MAGT1: variants seen among roughly 807,000 people sequenced by gnomAD.
MAGT1 encodes the protein dolichyl-diphosphooligosaccharide--protein glycosyltransferase subunit MAGT1.
In MAGT1, 4 loss-of-function variants were observed where a neutral mutation model predicts 28.4. The ratio of observed to expected loss-of-function variants is 0.14; its 90% CI spans 0.07 to 0.32. The LOEUF is 0.32. Among genes scored for constraint, MAGT1 ranks in the 10% least tolerant of loss-of-function variants. The pLI is 1.00. For synonymous variants in MAGT1, 89 were observed against 89.7 expected (o/e 0.99, Z 0.04); for missense variants, 193 against 264.5 (o/e 0.73, Z 1.88).
At chrX:77,858,648 G>A (rs1468827736) in intron 3 of MAGT1, among the ~76,000 whole-genome samples, 1 of 111,701 alleles carries the variant, frequency 9.0e-6, no homozygotes, top group Admixed American at 9.7e-5. Context: ...CTCTTTGGCT[G>A]TATAATGTGG....
chrX:77,837,451 A>AT lies in MAGT1; in HGVS notation c.901+3794dup. Reference sequence around the variant, plus strand: ...TTATTTTTCTAACACGTAAAAATTCATTTTTTTAGAGATTGAGTCTCGCTC... The same window carrying AT: ...TTATTTTTCTAACACGTAAAAATTCATTTTTTTTAGAGATTGAGTCTCGCTC... On this transcript the variant is annotated intron_variant, in intron 8 of 9. Transcript: ENST00000618282. 1.8e-5 allele frequency: 2 copies of AT among 110,859 alleles called. 1 individual carries two copies. The highest frequency in any genetic ancestry group is 9.2e-3 in the Middle Eastern group (2 of 217). The allele number at this position is 110,859 out of a possible 1,213,427, so 9.1% of individuals were successfully genotyped here.
At chrX:77,874,263 A>G (rs1441920663) in intron 2 of MAGT1, among the ~76,000 whole-genome samples, 2 of 104,781 alleles carry the variant, frequency 1.9e-5, no homozygotes, top group African/African-American at 3.5e-5. Context: ...GATCACAGAC[A>G]TGAGCTACCA....
Position 77,827,129 on chromosome X carries a change from A to G in MAGT1, c.*2091T>C, listed in dbSNP as rs1321000156. The G allele has an allele frequency of 4.5e-5, 5 of 111,818 alleles. No homozygotes were observed. The highest frequency in any genetic ancestry group is 3.7e-4 in the South Asian group (1 of 2,698). The allele number at this position is 111,818 out of a possible 1,213,427, so 9.2% of individuals were successfully genotyped here. ...CAATTACAATTATCCTATTTCCACA[A>G]TAGTGGCATTTCAGGTTACTCTTCA... On this transcript the variant is annotated 3_prime_UTR_variant, in exon 10 of 10. Coordinates refer to ENST00000618282, the MANE Select transcript of MAGT1 (RefSeq NM_001367916.1).
At chrX:77,840,608 T>C (rs1431019704) in intron 8 of MAGT1, among the ~76,000 whole-genome samples, 1 of 111,475 alleles carries the variant, frequency 9.0e-6, no homozygotes, top group Non-Finnish European at 1.9e-5. Context: ...TTTGGGAGGC[T>C]GAGGTGGGAA....
At chrX:77,854,098 T>C in intron 6 of MAGT1, 134 bp from the exon 7 acceptor site, 1 of 529,456 alleles carries the variant, frequency 1.9e-6, no homozygotes, top group Admixed American at 2.7e-5. Context: ...TCCGGGTCTG[T>C]GGCATTCATC....
rs1199895561 is a variant in MAGT1 at position 77,891,952 on chromosome X, C to CT, written c.102+3356dup. ...TAAAAAGAATATACATATATGCACA[C>CT]TTTTTTTTTTTTTGAGACAGAGTCT... On this transcript the variant is annotated intron_variant, in intron 1 of 9. Transcript: ENST00000618282. Among the ~76,000 whole-genome samples, 360 of 104,560 alleles carry CT rather than the reference C, an allele frequency of 3.4e-3. 8 individuals carry two copies. Among genetic ancestry groups the CT allele is most frequent in the African/African-American group, 8.2e-3 (240 of 29,130 alleles). The allele number at this position is 104,560 out of a possible 115,157, so 90.8% of individuals were successfully genotyped here.
chrX:77,831,259 C>T (rs1384894352), intron 8 of MAGT1, among the ~76,000 whole-genome samples: 3 of 110,997 alleles, frequency 2.7e-5, no homozygotes, highest in African/African-American at 6.6e-5. Flanking sequence ...CCTCATGATC[C>T]GCCTGCCTCA....
At chrX:77,851,374 C>T (rs1330632530) in intron 7 of MAGT1, among the ~76,000 whole-genome samples, 3 of 107,950 alleles carry the variant, frequency 2.8e-5, no homozygotes, top group Non-Finnish European at 5.8e-5. Context: ...CGTCACCATG[C>T]CTGGCTGTTT....
intron 1 of MAGT1, among the ~76,000 whole-genome samples, chrX:77,878,289 CAAAAAAAAAAAAA>C (rs1205547369): frequency 2.1e-3 from 31 of 15,073 alleles, no homozygotes; most frequent in Middle Eastern, 0.038. Flanking sequence ...AACTCTGATG[CAAAAAAAAAAAAA>C]AAAAAAAAAA....
intron 1 of MAGT1, among the ~76,000 whole-genome samples, chrX:77,894,589 A>G (rs1269955376): frequency 8.9e-6 from 1 of 112,119 alleles, no homozygotes; most frequent in African/African-American, 3.2e-5. Flanking sequence ...GTAGTCTTAA[A>G]GTCCTAAGAG....
chrX:77,840,292 C>T (rs1445012871), intron 8 of MAGT1, among the ~76,000 whole-genome samples: 11 of 106,167 alleles, frequency 1.0e-4, no homozygotes, highest in Non-Finnish European at 5.8e-5. Flanking sequence ...AAAAACTAGC[C>T]GGGCGTGGTG....
chrX:77,889,376 A>T (rs5912499), intron 1 of MAGT1, among the ~76,000 whole-genome samples: 12,824 of 95,583 alleles, frequency 0.13, 902 homozygotes, highest in African/African-American at 0.25. Flanking sequence ...ATATATATAT[A>T]TTTTTTTTTT....
intron 3 of MAGT1, among the ~76,000 whole-genome samples, chrX:77,864,960 C>T (rs1365014577): frequency 8.9e-6 from 1 of 112,275 alleles, no homozygotes; most frequent in African/African-American, 3.2e-5. Flanking sequence ...GATCCCCACG[C>T]CTTGGCCTCC....
chrX:77,871,012 A>G, intron 2 of MAGT1, 87 bp from the exon 3 acceptor site: 1 of 633,045 alleles, frequency 1.6e-6, no homozygotes, highest in Non-Finnish European at 2.7e-6. Flanking sequence ...GGTCCAAGCA[A>G]GCAATAGCAG....
chrX:77,865,689 G>A (rs2077006973), intron 3 of MAGT1, among the ~76,000 whole-genome samples: 1 of 112,132 alleles, frequency 8.9e-6, no homozygotes, highest in Non-Finnish European at 1.9e-5. Context: ...TTTAAGGCAA[G>A]TGATATAACA....
intron 1 of MAGT1, among the ~76,000 whole-genome samples, chrX:77,882,250 C>T (rs1177995396): frequency 8.9e-6 from 1 of 111,737 alleles, no homozygotes; most frequent in Non-Finnish European, 1.9e-5. Context: ...GACAGGGATG[C>T]CCTCACTCAC....
At chrX:77,884,414 T>C (rs186910023) in intron 1 of MAGT1, among the ~76,000 whole-genome samples, 1 of 111,222 alleles carries the variant, frequency 9.0e-6, no homozygotes, top group East Asian at 2.8e-4. Flanking sequence ...TTAAGTTCAA[T>C]CCTCAAAACG....
At chrX:77,841,439 A>T in intron 7 of MAGT1, 119 bp from the exon 8 acceptor site, 1 of 514,360 alleles carries the variant, frequency 1.9e-6, no homozygotes, top group Non-Finnish European at 3.4e-6. Context: ...TCTTCATTAT[A>T]AAAAACCAAA....
At chrX:77,879,298 G>A (rs961429581) in intron 1 of MAGT1, among the ~76,000 whole-genome samples, 1 of 111,553 alleles carries the variant, frequency 9.0e-6, no homozygotes, top group Admixed American at 9.6e-5. Context: ...CTCATGATCT[G>A]CTCGCCTCGG....
Sources: gnomAD v4.1 joint callset for allele counts (sites outside exome capture counted in the v4.1 genomes callset) on GRCh38, gnomAD v4.1.1 for gene constraint, MANE v1.5 for transcripts, NCBI Gene and HGNC (gene_info 2026-07-23, HGNC 2026-07-21) for gene names.